The following NME8 variants were observed in gnomAD, a reference collection of about 807,000 sequenced individuals.
NME8 encodes the protein NME/NM23 family member 8.
NME8 carries 72 observed loss-of-function variants against 82.3 expected under a neutral mutation model. The observed-to-expected ratio is 0.87, with a 90% CI of 0.72 to 1.06. The LOEUF is 1.06. NME8 is among the 50% of genes least tolerant of loss of function. The pLI, the probability that NME8 is intolerant of heterozygous loss-of-function variation, is 0.00. For synonymous variants in NME8, 267 were observed against 228.5 expected (o/e 1.17, Z -1.52); for missense variants, 712 against 685.4 (o/e 1.04, Z -0.43).
intron 15 of NME8, among the ~76,000 whole-genome samples, chr7:37,892,399 A>C (rs1237994280): frequency 6.6e-6 from 1 of 151,550 alleles, no homozygotes; most frequent in African/African-American, 2.4e-5. Flanking sequence ...GAAGTTTCTG[A>C]GTATTTAGAT....
At chr7:37,861,103 A>G (rs1030244961) in intron 6 of NME8, among the ~76,000 whole-genome samples, 1 of 152,086 alleles carries the variant, frequency 6.6e-6, no homozygotes, top group African/African-American at 2.4e-5. Context: ...TTTTTTCCAC[A>G]CAGTAGGTGA....
At chr7:37,861,194 C>T (rs1784592665) in intron 6 of NME8, among the ~76,000 whole-genome samples, 1 of 152,188 alleles carries the variant, frequency 6.6e-6, no homozygotes, top group African/African-American at 2.4e-5. Context: ...AAGACTGAAT[C>T]CCTGGCCCAC....
At chr7:37,851,575 A>G (rs1020949531) in intron 5 of NME8, among the ~76,000 whole-genome samples, 1 of 152,230 alleles carries the variant, frequency 6.6e-6, no homozygotes, top group African/African-American at 2.4e-5. Context: ...GAAATATGCC[A>G]TCAATAATTT....
chr7:37,869,182 A>G (rs1184081398), intron 11 of NME8, among the ~76,000 whole-genome samples: 1 of 152,132 alleles, frequency 6.6e-6, no homozygotes, highest in Non-Finnish European at 1.5e-5. Context: ...GCTCCTAGTG[A>G]TGCCATATTT....
intron 16 of NME8, among the ~76,000 whole-genome samples, chr7:37,895,566 A>G (rs981517332): frequency 6.6e-6 from 1 of 152,178 alleles, no homozygotes; most frequent in African/African-American, 2.4e-5. Flanking sequence ...TTATGTGAAC[A>G]TCATTATCGA....
At chr7:37,897,899 G>A (rs764705903) in intron 17 of NME8, among the ~76,000 whole-genome samples, 7 of 152,012 alleles carry the variant, frequency 4.6e-5, no homozygotes, top group African/African-American at 1.5e-4. Context: ...CCAGTCTATC[G>A]CTGATGGGCA....
Position 37,894,545 on chromosome 7 carries a change from A to T in NME8, c.1479A>T (p.Ile493=), listed in dbSNP as rs41276027. The stretch of plus-strand genomic sequence containing the variant: ...AAATGTTCCTAACTCCTGAGCAAAT[A>T]GAGAAAATTTATCCAAAAGTAACAG... The part of the protein sequence containing the change: ...VKKMFLTPEQ[I]EKIYPKVTGK... The change falls in exon 16 of 18, where the codon ATA becomes ATT. Residue 493 remains isoleucine, a synonymous_variant. Transcript: ENST00000199447. 0.32 allele frequency: 514,379 copies of T among 1,606,362 alleles called. 88,552 individuals are homozygous for T. Among genetic ancestry groups the T allele is most frequent in the Non-Finnish European group, 0.36 (421,803 of 1,173,298 alleles).
intron 16 of NME8, among the ~76,000 whole-genome samples, chr7:37,896,553 G>T (rs972082637): frequency 6.6e-6 from 1 of 152,192 alleles, no homozygotes; most frequent in Non-Finnish European, 1.5e-5. Flanking sequence ...TCCCTGAAGC[G>T]GTTAGAGGCT....
At chr7:37,896,649 A>G (rs1785232988) in intron 16 of NME8, among the ~76,000 whole-genome samples, 1 of 152,240 alleles carries the variant, frequency 6.6e-6, no homozygotes, top group Non-Finnish European at 1.5e-5. Context: ...ATAAGACTTC[A>G]TTGACAAATA....
chr7:37,894,553 T>G lies in NME8; in HGVS notation c.1487T>G (p.Ile496Ser). ...MFLTPEQIEKIYPKVTGKDFY... is the reference protein window; with the variant it reads ...MFLTPEQIEKSYPKVTGKDFY... The stretch of plus-strand genomic sequence containing the variant: ...CTAACTCCTGAGCAAATAGAGAAAA[T>G]TTATCCAAAAGTAACAGGAAAAGAC... Residue 496 changes from isoleucine (I) to serine (S), a missense_variant, in exon 16 of 18, where the codon ATT becomes AGT. Coordinates refer to ENST00000199447, the MANE Select transcript of NME8 (RefSeq NM_016616.5). 2.5e-6 allele frequency: 4 copies of G among 1,609,044 alleles called. No homozygotes were observed. The highest frequency in any genetic ancestry group is 3.4e-6 in the Non-Finnish European group (4 of 1,175,702).
At chr7:37,871,387 A>G (rs953570815) in intron 11 of NME8, among the ~76,000 whole-genome samples, 2 of 152,128 alleles carry the variant, frequency 1.3e-5, no homozygotes, top group Admixed American at 1.3e-4. Context: ...CATTATTTAC[A>G]TGTCTGTCTC....
chr7:37,859,999 A>G (rs1346052348), intron 6 of NME8, among the ~76,000 whole-genome samples: 1 of 152,204 alleles, frequency 6.6e-6, no homozygotes, highest in Admixed American at 6.5e-5. Flanking sequence ...CAGCATTTTT[A>G]GCTGACAACA....
intron 12 of NME8, among the ~76,000 whole-genome samples, chr7:37,880,592 GTTC>G (rs1202914919): frequency 6.6e-6 from 1 of 152,034 alleles, no homozygotes; most frequent in African/African-American, 2.4e-5. Flanking sequence ...CTCTAACTTT[GTTC>G]TTCTCCTTCA....
In NME8 at chr7:37,865,561, A is replaced by G. The variant is rs777026385; in HGVS notation, c.565A>G (p.Lys189Glu). 61 of 1,613,198 alleles carry G rather than the reference A, an allele frequency of 3.8e-5. No homozygotes were observed. Among genetic ancestry groups the G allele is most frequent in the South Asian group, 2.2e-5 (2 of 91,064 alleles). The change falls in exon 10 of 18, where the codon AAG becomes GAG. Residue 189 changes from lysine to glutamate, a missense_variant. By Grantham distance (56) the Lys-to-Glu change is moderately conservative. Coordinates refer to ENST00000199447, the MANE Select transcript of NME8 (RefSeq NM_016616.5). ...TGGATTTATTATAGAAGCAGAGCAT[A>G]AGACAGTGCTCACTGAAGAACAAGT... ...KAGFIIEAEH[K>E]TVLTEEQVVN...
At chr7:37,894,289 T>C (rs946365677) in intron 15 of NME8, among the ~76,000 whole-genome samples, 177 bp from the exon 16 acceptor site, 11 of 152,324 alleles carry the variant, frequency 7.2e-5, no homozygotes, top group Admixed American at 6.5e-4. Flanking sequence ...ATTAACATAC[T>C]GAAGTTCTGA....
At chr7:37,872,339 A>T (rs1429015412) in intron 11 of NME8, among the ~76,000 whole-genome samples, 1 of 152,168 alleles carries the variant, frequency 6.6e-6, no homozygotes, top group African/African-American at 2.4e-5. Flanking sequence ...CATATCAAAA[A>T]TCAGACCTAA....
intron 12 of NME8, among the ~76,000 whole-genome samples, chr7:37,878,923 T>A (rs1784899505): frequency 6.6e-6 from 1 of 152,124 alleles, no homozygotes; most frequent in African/African-American, 2.4e-5. Flanking sequence ...ATTTTGTTCA[T>A]CCTATGGATT....
chr7:37,854,274 G>A (rs979105979), intron 5 of NME8, among the ~76,000 whole-genome samples: 1 of 152,058 alleles, frequency 6.6e-6, no homozygotes, highest in Non-Finnish European at 1.5e-5. Context: ...TATTTACTAT[G>A]CATTAAGTGG....
rs1404108442 is a variant in NME8 at position 37,876,981 on chromosome 7, G to A, written c.968G>A (p.Arg323Gln). The A allele has an allele frequency of 1.9e-6, 3 of 1,612,810 alleles. No individual in the cohort carries two copies. Among genetic ancestry groups the A allele is most frequent in the Admixed American group, 1.7e-5 (1 of 59,944 alleles). The change falls in exon 12 of 18, where the codon CGA (arginine) becomes CAA (glutamine). Residue 323 changes from arginine to glutamine, a missense_variant. Coordinates refer to ENST00000199447, the MANE Select transcript of NME8 (RefSeq NM_016616.5). Reference sequence around the variant, plus strand: ...TTAGAAAAGACATTGGCATTACTTCGACCAAATCTCTTTCATGAAAGGAAA... The same window carrying A: ...TTAGAAAAGACATTGGCATTACTTCAACCAAATCTCTTTCATGAAAGGAAA... ...MKLEKTLALL[R>Q]PNLFHERKDD...
Sources: gnomAD v4.1 joint callset for allele counts (sites outside exome capture counted in the v4.1 genomes callset) on GRCh38, gnomAD v4.1.1 for gene constraint, MANE v1.5 for transcripts, NCBI Gene and HGNC (gene_info 2026-07-23, HGNC 2026-07-21) for gene names.